SFXN3: variants seen among roughly 807,000 people sequenced by gnomAD.
The protein encoded by SFXN3 is sideroflexin-3.
In SFXN3, 31 loss-of-function variants were observed where a neutral mutation model predicts 40.4. That is an observed-to-expected ratio of 0.77 (90% confidence interval 0.58 to 1.04). The LOEUF (loss-of-function observed/expected upper bound fraction) is 1.04, where lower values mean the gene tolerates loss of function less well. SFXN3 is among the 50% of genes least tolerant of loss of function. The probability of loss-of-function intolerance (pLI) is 0.00; values close to 1 mark genes in which losing one functional copy is unlikely to be tolerated. For synonymous variants in SFXN3, 157 were observed against 160.0 expected, an observed-to-expected ratio of 0.98 and a Z score of 0.14; for missense variants, 366 against 408.2, an observed-to-expected ratio of 0.90 and a Z score of 0.89.
intron 9 of SFXN3, chr10:101,038,106 C>T (rs976960538): frequency 2.8e-5 from 8 of 282,082 alleles, no homozygotes; most frequent in African/African-American, 6.8e-5. Flanking sequence ...TCTTTAATGC[C>T]GCAAAGGATG....
At position 101,036,048 on chromosome 10, in the gene SFXN3, C is replaced by T. The variant is rs1209507747; in HGVS notation, c.378C>T (p.Phe126=). The T allele has an allele frequency of 6.2e-6, 10 of 1,613,998 alleles. No individual in the cohort carries two copies. Among genetic ancestry groups the T allele is most frequent in the Non-Finnish European group, 8.5e-6 (10 of 1,180,014 alleles). The change falls in exon 5 of 12, where the codon TTC becomes TTT. Residue 126 remains phenylalanine (F), a synonymous_variant. Transcript: ENST00000393459. This position sits in a 1 kb window ranked among gnomAD's most constrained non-coding sequence, Gnocchi z 4.2. ...TCTGGCAGTGGGTGAATCAGTCCTT[C>T]AATGCCATTGTTAACTACTCCAACC... is the stretch of plus-strand genomic sequence containing the variant.
In SFXN3 at chr10:101,036,598, CCT is replaced by C. The variant is rs1215637629; in HGVS notation, c.507+40_507+41del. 1.9e-6 allele frequency: 3 copies of C among 1,613,530 alleles called. No individual in the cohort carries two copies. The highest frequency in any genetic ancestry group is 1.1e-5 in the South Asian group (1 of 90,992). Reference sequence around the variant, plus strand: ...TCACTCCCCTGACCACCCCATTCATCCTCTATCTGCCTCCTTCTTCCTCATCA... The same window carrying C: ...TCACTCCCCTGACCACCCCATTCATCCTATCTGCCTCCTTCTTCCTCATCA... On this transcript the variant is annotated intron_variant, in intron 6 of 11. Coordinates refer to ENST00000393459, the Ensembl canonical transcript of SFXN3. This position sits in a 1 kb window ranked among gnomAD's most constrained non-coding sequence, Gnocchi z 4.2.
chr10:101,039,117 G>A lies in SFXN3; in HGVS notation c.822-58G>A. 6.8e-7 allele frequency: 1 copy of A among 1,468,142 alleles called. No individual in the cohort carries two copies. The highest frequency in any genetic ancestry group is 9.5e-7 in the Non-Finnish European group (1 of 1,047,414). The allele number at this position is 1,468,142 out of a possible 1,614,324, so 90.9% of individuals were successfully genotyped here. On this transcript the variant is annotated intron_variant, in intron 10 of 11. Coordinates refer to ENST00000393459, the Ensembl canonical transcript of SFXN3. The surrounding 1 kb of genome is among the most constrained non-coding windows in gnomAD (Gnocchi z 4.6). ...TCTCCAAGGATGGGGTGGGGTGCAG[G>A]GAGGGAACACCCTAAGGCCAAAGCT...
chr10:101,038,740 T>C (rs1938747155), intron 10 of SFXN3, 48 bp downstream of exon 10: 1 of 1,603,208 alleles, frequency 6.2e-7, no homozygotes, highest in Non-Finnish European at 8.5e-7. Context: ...GCCTTGTCCA[T>C]GGTGGATGTG....
exon 3 of SFXN3, chr10:101,034,736 C>G (rs1461794641): frequency 1.4e-5 from 22 of 1,614,154 alleles, no homozygotes; most frequent in Non-Finnish European, 1.9e-5. Flanking sequence ...AGGAACCTCG[C>G]TGGGACCAAA....
Position 101,039,807 on chromosome 10 carries a change from T to C in SFXN3, c.*222T>C. ...CAGAGCACATAACCCCTCCTGTGCT[T>C]GAGTGTCCATGCATATACATACATG... On this transcript the variant is annotated 3_prime_UTR_variant, in exon 12 of 12. Transcript: ENST00000393459. The surrounding 1 kb of genome is among the most constrained non-coding windows in gnomAD (Gnocchi z 4.6). 1.7e-6 allele frequency: 1 copy of C among 585,182 alleles called. No homozygotes were observed. The highest frequency in any genetic ancestry group is 3.1e-6 in the Non-Finnish European group (1 of 326,028). 36.2% of individuals were successfully genotyped at this position (585,182 alleles called of 1,614,324 possible). A position where few individuals can be genotyped will look rare whatever the true frequency, so the allele number is the denominator to read the frequency against.
chr10:101,036,249 C>G lies in SFXN3; in HGVS notation c.431+148C>G. On this transcript the variant is annotated intron_variant, in intron 5 of 11. Transcript: ENST00000393459. The surrounding 1 kb of genome is among the most constrained non-coding windows in gnomAD (Gnocchi z 4.2). The stretch of plus-strand genomic sequence containing the variant: ...CCTCAGCCTGCCCCACCCCGAATTA[C>G]CCTGCCTAACTGAAGGCATGAGGTC... 1 of 775,060 alleles carries G rather than the reference C, an allele frequency of 1.3e-6. No homozygotes were observed. Among genetic ancestry groups the G allele is most frequent in the Non-Finnish European group, 2.1e-6 (1 of 466,572 alleles). The allele number at this position is 775,060 out of a possible 1,614,324, so 48.0% of individuals were successfully genotyped here. A position where few individuals can be genotyped will look rare whatever the true frequency, so the allele number is the denominator to read the frequency against.
chr10:101,035,693 T>C, intron 4 of SFXN3, 26 bp downstream of exon 4: 1 of 1,591,856 alleles, frequency 6.3e-7, no homozygotes, highest in Non-Finnish European at 8.6e-7. Flanking sequence ...CGTCCCCTTC[T>C]TCAGTGCCCT....
chr10:101,036,726 C>T lies in SFXN3; in HGVS notation c.511C>T (p.Leu171=). Residue 171 remains leucine (L), a synonymous_variant, in exon 7 of 12, where the codon CTG becomes TTG. Coordinates refer to ENST00000393459, the Ensembl canonical transcript of SFXN3. The surrounding 1 kb of genome is among the most constrained non-coding windows in gnomAD (Gnocchi z 4.2). ...GAACAACACCCTTCCTCCCCAGCAC[C>T]TGCCCCCCTTGGTCGGCAGATTTGT... 6.2e-7 allele frequency: 1 copy of T among 1,610,118 alleles called. No individual in the cohort carries two copies.
chr10:101,036,961 G>A lies in SFXN3; in HGVS notation c.594-115G>A, dbSNP rs1564649829. 1 of 1,528,370 alleles carries A rather than the reference G, an allele frequency of 6.5e-7. No individual in the cohort carries two copies. Among genetic ancestry groups the A allele is most frequent in the East Asian group, 2.3e-5 (1 of 42,934 alleles). 94.7% of individuals were successfully genotyped at this position (1,528,370 alleles called of 1,614,324 possible). A position where few individuals can be genotyped will look rare whatever the true frequency, so the allele number is the denominator to read the frequency against. ...CTGACCCTGGGATCCTCAGGTGGGA[G>A]AACCAGCCTTTGAGCCTGGGGTGTG... On this transcript the variant is annotated intron_variant, in intron 7 of 11. Coordinates refer to ENST00000393459, the Ensembl canonical transcript of SFXN3. This position sits in a 1 kb window ranked among gnomAD's most constrained non-coding sequence, Gnocchi z 4.2.
At chr10:101,034,998 C>A in intron 3 of SFXN3, 143 bp downstream of exon 3, 1 of 1,157,560 alleles carries the variant, frequency 8.6e-7, no homozygotes, top group Non-Finnish European at 1.2e-6. Context: ...GTTGGCATCA[C>A]AGAGCTTTAA....
chr10:101,032,572 A>T, intron 2 of SFXN3, 90 bp downstream of exon 2: 1 of 1,392,094 alleles, frequency 7.2e-7, no homozygotes, highest in Non-Finnish European at 9.5e-7. Context: ...TGGTGCAGTC[A>T]ATGTCCTCGG....
intron 4 of SFXN3, 165 bp downstream of exon 4, chr10:101,035,832 G>C (rs1367157650): frequency 1.6e-5 from 18 of 1,149,424 alleles, no homozygotes; most frequent in Non-Finnish European, 1.5e-5. Flanking sequence ...GAGACAGTAG[G>C]TGTGTTTGTA....
chr10:101,031,777 T>C (rs890268277), intron 1 of SFXN3, among the ~76,000 whole-genome samples: 1 of 151,712 alleles, frequency 6.6e-6, no homozygotes, highest in Non-Finnish European at 1.5e-5. Context: ...GGTGCAGGGC[T>C]AGGGGTTGGG....
chr10:101,038,290 A>C, intron 9 of SFXN3: 3 of 1,219,104 alleles, frequency 2.5e-6, no homozygotes, highest in Non-Finnish European at 3.1e-6. Context: ...GGTCAGATTC[A>C]TGCCACTGGG....
At position 101,032,492 on chromosome 10, in the gene SFXN3, C is replaced by G. The variant is rs967364735; in HGVS notation, c.-4+10C>G. 6.5e-7 allele frequency: 1 copy of G among 1,539,392 alleles called. No homozygotes were observed. Among genetic ancestry groups the G allele is most frequent in the Non-Finnish European group, 8.8e-7 (1 of 1,142,626 alleles). ...GAGAGCGATGGAAAGCGTAAGTGCT[C>G]GCTCTCCCCGGCGGGCGGGGTTCTG... On this transcript the variant is annotated intron_variant, in intron 2 of 11. Transcript: ENST00000393459.
Position 101,039,171 on chromosome 10 carries a change from C to A in SFXN3, c.822-4C>A, listed in dbSNP as rs1417290972. 1 of 1,609,356 alleles carries A rather than the reference C, an allele frequency of 6.2e-7. No homozygotes were observed. Among genetic ancestry groups the A allele is most frequent in the Non-Finnish European group, 8.5e-7 (1 of 1,176,130 alleles). ...CAAACCTTTCCAACACTTGTCTCCC[C>A]CAGCCTGGTATTTGCAACCCCCCTG... On this transcript the variant is annotated splice_polypyrimidine_tract_variant and splice_region_variant and intron_variant, in intron 10 of 11. Transcript: ENST00000393459. This position sits in a 1 kb window ranked among gnomAD's most constrained non-coding sequence, Gnocchi z 4.6.
chr10:101,035,899 G>A, intron 4 of SFXN3, 104 bp from the exon 5 acceptor site: 1 of 1,223,766 alleles, frequency 8.2e-7, no homozygotes, highest in South Asian at 1.2e-5. Flanking sequence ...GCCATTAACT[G>A]GGTCCCTTCT....
At position 101,036,015 on chromosome 10, in the gene SFXN3, C is replaced by T. The variant is rs576005266; in HGVS notation, c.345C>T (p.Thr115=). The stretch of plus-strand genomic sequence containing the variant: ...TTTGTTCCCTCAGGAAGACCCCAAC[C>T]GTGGTGTTCTGGCAGTGGGTGAATC... The change falls in exon 5 of 12, where the codon ACC becomes ACT. Residue 115 remains threonine, a synonymous_variant. Transcript: ENST00000393459. This position sits in a 1 kb window ranked among gnomAD's most constrained non-coding sequence, Gnocchi z 4.2. 221 of 1,614,006 alleles carry T rather than the reference C, an allele frequency of 1.4e-4. No homozygotes were observed. In the South Asian group the frequency reaches 1.8e-3, roughly 13 times the overall value.
Sources: gnomAD v4.1 joint callset for allele counts (sites outside exome capture counted in the v4.1 genomes callset) on GRCh38, gnomAD v4.1.1 for gene constraint, Gnocchi (gnomAD v3.1) non-coding constraint, MANE v1.5 for transcripts, NCBI Gene and HGNC (gene_info 2026-07-23, HGNC 2026-07-21) for gene names.